The following SLC34A1 variants were observed in gnomAD, a reference collection of about 807,000 sequenced individuals.
The protein encoded by SLC34A1 is sodium-dependent phosphate transport protein 2A.
Under a neutral mutation model 51.4 loss-of-function variants are expected in SLC34A1, and 57 were observed. That is an observed-to-expected ratio of 1.11 (90% CI 0.90 to 1.38). The LOEUF is 1.38. Among genes scored for constraint, SLC34A1 ranks in the 40% most tolerant of loss-of-function variants. SLC34A1 has a pLI of 0.00. For synonymous variants in SLC34A1, 368 were observed against 358.0 expected (o/e 1.03, Z -0.32); for missense variants, 796 against 835.6 (o/e 0.95, Z 0.58).
At position 177,386,726 on chromosome 5, in the gene SLC34A1, G is replaced by A. The variant is rs187298646; in HGVS notation, c.532+160G>A. On this transcript the variant is annotated intron_variant, in intron 5 of 12. Coordinates refer to ENST00000324417, the MANE Select transcript of SLC34A1 (RefSeq NM_003052.5). The surrounding 1 kb of genome is among the most constrained non-coding windows in gnomAD (Gnocchi z 4.8). ...GAGGAGCCCAACTGTAGCTGTATGT[G>A]ACCCAGATGATTTATGGCAAGGAAC... Among the ~76,000 whole-genome samples the A allele has an allele frequency of 6.0e-4, 91 of 152,282 alleles. No homozygotes were observed. The highest frequency in any genetic ancestry group is 2.2e-3 in the African/African-American group (90 of 41,558).
chr5:177,390,616 C>T (rs896089347), intron 8 of SLC34A1: 3 of 153,986 alleles, frequency 1.9e-5, no homozygotes, highest in Non-Finnish European at 2.9e-5. Flanking sequence ...ACCATAGCCA[C>T]GTGGAGACGA....
chr5:177,386,042 G>T lies in SLC34A1; in HGVS notation c.165G>T (p.Val55=), dbSNP rs772451946. The change falls in exon 3 of 13, where the codon GTG becomes GTT. Residue 55 remains valine, a synonymous_variant. Coordinates refer to ENST00000324417, the MANE Select transcript of SLC34A1 (RefSeq NM_003052.5). The surrounding 1 kb of genome is among the most constrained non-coding windows in gnomAD (Gnocchi z 4.8). The stretch of plus-strand genomic sequence containing the variant: ...ATGCCTTCCCCAGCCTGGGCCCTGT[G>T]GCCCTTGCTGAGCACACCTGCCCCT... ...SAYAFPSLGP[V]ALAEHTCPCG... 1 of 1,609,440 alleles carries T rather than the reference G, an allele frequency of 6.2e-7. No homozygotes were observed. Among genetic ancestry groups the T allele is most frequent in the South Asian group, 1.1e-5 (1 of 90,714 alleles).
At chr5:177,391,071 C>T (rs577284646) in intron 8 of SLC34A1, among the ~76,000 whole-genome samples, 6 of 152,278 alleles carry the variant, frequency 3.9e-5, no homozygotes, top group African/African-American at 4.8e-5. Context: ...GCCCACCACC[C>T]GCTTCAGGCC....
chr5:177,386,377 A>AG lies in SLC34A1; in HGVS notation c.388+32dup. On this transcript the variant is annotated intron_variant, in intron 4 of 12. Coordinates refer to ENST00000324417, the MANE Select transcript of SLC34A1 (RefSeq NM_003052.5). This position sits in a 1 kb window ranked among gnomAD's most constrained non-coding sequence, Gnocchi z 4.8. ...AGGGCCCGGGTGGAGGAGACCTGGG[A>AG]GGGGTTCCTGAAGGGCCTTGGACAA... 1.2e-6 allele frequency: 2 copies of AG among 1,614,160 alleles called. No individual in the cohort carries two copies. Among genetic ancestry groups the AG allele is most frequent in the African/African-American group, 1.3e-5 (1 of 75,042 alleles).
chr5:177,389,880 C>T lies in SLC34A1; in HGVS notation c.936+1508C>T, dbSNP rs1016708902. On this transcript the variant is annotated intron_variant, in intron 8 of 12. Coordinates refer to ENST00000324417, the MANE Select transcript of SLC34A1 (RefSeq NM_003052.5). ...GCTGACACTTGTCCAGCTGGTTTCTCTTCCTCACTCTACCAGGAAATGCTT... is the reference window on the plus strand; with the variant it reads ...GCTGACACTTGTCCAGCTGGTTTCTTTTCCTCACTCTACCAGGAAATGCTT... 3 of 1,446,076 alleles carry T rather than the reference C, an allele frequency of 2.1e-6. No individual in the cohort carries two copies. In the African/African-American group the frequency reaches 4.3e-5, roughly 21 times the overall value. 89.6% of individuals were successfully genotyped at this position (1,446,076 alleles called of 1,614,324 possible). A position where few individuals can be genotyped will look rare whatever the true frequency, so the allele number is the denominator to read the frequency against.
chr5:177,386,315 G>A lies in SLC34A1; in HGVS notation c.354G>A (p.Leu118=). ...LTFLYLFVCS[L]DMLSSAFQLA... ...TCCTCTACCTCTTCGTCTGCTCCCT[G>A]GACATGCTCAGCTCGGCCTTCCAGC... Residue 118 remains leucine (L), a synonymous_variant, in exon 4 of 13, where the codon CTG becomes CTA. Coordinates refer to ENST00000324417, the MANE Select transcript of SLC34A1 (RefSeq NM_003052.5). This position sits in a 1 kb window ranked among gnomAD's most constrained non-coding sequence, Gnocchi z 4.8. 1 of 1,614,260 alleles carries A rather than the reference G, an allele frequency of 6.2e-7. No individual in the cohort carries two copies. The highest frequency in any genetic ancestry group is 8.5e-7 in the Non-Finnish European group (1 of 1,180,044).
chr5:177,393,971 G>C (rs1246290549), intron 9 of SLC34A1, 57 bp from the exon 10 acceptor site: 10 of 1,610,330 alleles, frequency 6.2e-6, no homozygotes, highest in Non-Finnish European at 8.5e-6. Flanking sequence ...GGGTGGCAAA[G>C]GTGGGGACCT....
chr5:177,388,201 G>A lies in SLC34A1; in HGVS notation c.840+12G>A, dbSNP rs750507516. ...AGCTCATCATCCAGGTGACAGCAGG[G>A]CCTGGCATGGGGTGAGGGTGGGGGT... On this transcript the variant is annotated intron_variant, in intron 7 of 12. Transcript: ENST00000324417. The surrounding 1 kb of genome is among the most constrained non-coding windows in gnomAD (Gnocchi z 4.3). 1.2e-6 allele frequency: 2 copies of A among 1,614,052 alleles called. No individual in the cohort carries two copies. Among genetic ancestry groups the A allele is most frequent in the South Asian group, 2.2e-5 (2 of 91,088 alleles).
intron 8 of SLC34A1, chr5:177,389,495 A>C (rs1762724934): frequency 2.0e-6 from 2 of 992,188 alleles, no homozygotes; most frequent in Non-Finnish European, 2.9e-6. Flanking sequence ...CTGAGTGTTC[A>C]AAGCAGCCTT....
Position 177,397,043 on chromosome 5 carries a change from G to A in SLC34A1, c.1385G>A (p.Ser462Asn), listed in dbSNP as rs748472359. The A allele has an allele frequency of 6.2e-7, 1 of 1,613,782 alleles. No homozygotes were observed. The highest frequency in any genetic ancestry group is 8.5e-7 in the Non-Finnish European group (1 of 1,180,028). Reference protein sequence around the residue: ...TTTAILAALASPREKLSSAFQ... With the variant: ...TTTAILAALANPREKLSSAFQ... ...ACGGCCATCCTGGCTGCCCTGGCCAGCCCCAGGGAGAAGCTGTCCAGCGCT... is the reference window on the plus strand; with the variant it reads ...ACGGCCATCCTGGCTGCCCTGGCCAACCCCAGGGAGAAGCTGTCCAGCGCT... The change falls in exon 12 of 13, where the codon AGC (serine) becomes AAC (asparagine). Residue 462 changes from serine (S) to asparagine (N), a missense_variant. Transcript: ENST00000324417.
intron 10 of SLC34A1, among the ~76,000 whole-genome samples, chr5:177,394,969 AG>A (rs2127353832): frequency 6.6e-6 from 1 of 152,154 alleles, no homozygotes; most frequent in African/African-American, 2.4e-5. Context: ...CTAGGATTAC[AG>A]GCATGAGCCA....
Position 177,389,758 on chromosome 5 carries a change from C to A in SLC34A1, c.936+1386C>A, listed in dbSNP as rs1001222634. On this transcript the variant is annotated intron_variant, in intron 8 of 12. Coordinates refer to ENST00000324417, the MANE Select transcript of SLC34A1 (RefSeq NM_003052.5). ...GCCGGCCACCTACTGCAGCTTCCGG[C>A]AGATCTCAACCAGCAGCCTCCACGT... 4.6e-6 allele frequency: 7 copies of A among 1,536,962 alleles called. No homozygotes were observed. In the African/African-American group the frequency reaches 9.6e-5, roughly 21 times the overall value.
chr5:177,386,326 G>A lies in SLC34A1; in HGVS notation c.365G>A (p.Ser122Asn). ...YLFVCSLDMLSSAFQLAGGKV... is the reference protein window; with the variant it reads ...YLFVCSLDMLNSAFQLAGGKV... ...TTCGTCTGCTCCCTGGACATGCTCA[G>A]CTCGGCCTTCCAGCTGGCTGGAGGT... The change falls in exon 4 of 13, where the codon AGC becomes AAC. Residue 122 changes from serine to asparagine, a missense_variant. Physicochemically the swap from Ser to Asn is conservative, Grantham distance 46 (BLOSUM62 1). Transcript: ENST00000324417. This position sits in a 1 kb window ranked among gnomAD's most constrained non-coding sequence, Gnocchi z 4.8. 1 of 1,614,258 alleles carries A rather than the reference G, an allele frequency of 6.2e-7. No homozygotes were observed. Among genetic ancestry groups the A allele is most frequent in the Non-Finnish European group, 8.5e-7 (1 of 1,180,044 alleles).
chr5:177,386,815 GCAGGCGGGAACTCT>G lies in SLC34A1; in HGVS notation c.532+254_532+267del, dbSNP rs1404623909. Among the ~76,000 whole-genome samples, 1 of 152,152 alleles carries G rather than the reference GCAGGCGGGAACTCT, an allele frequency of 6.6e-6. No individual in the cohort carries two copies. The highest frequency in any genetic ancestry group is 1.5e-5 in the Non-Finnish European group (1 of 68,028). Reference sequence around the variant, plus strand: ...ATCCGTAGGCCAGGGCATTGGAAGGGCAGGCGGGAACTCTCAGGTGGGCGCCGACACTGCAGTCC... The same window carrying G: ...ATCCGTAGGCCAGGGCATTGGAAGGGCAGGTGGGCGCCGACACTGCAGTCC... On this transcript the variant is annotated intron_variant, in intron 5 of 12. Transcript: ENST00000324417. This position sits in a 1 kb window ranked among gnomAD's most constrained non-coding sequence, Gnocchi z 4.8.
At position 177,386,839 on chromosome 5, in the gene SLC34A1, G is replaced by A. The variant is rs999619274; in HGVS notation, c.532+273G>A. ...GGCAGGCGGGAACTCTCAGGTGGGCGCCGACACTGCAGTCCAGACAGGGCA... is the reference window on the plus strand; with the variant it reads ...GGCAGGCGGGAACTCTCAGGTGGGCACCGACACTGCAGTCCAGACAGGGCA... On this transcript the variant is annotated intron_variant, in intron 5 of 12. Transcript: ENST00000324417. This position sits in a 1 kb window ranked among gnomAD's most constrained non-coding sequence, Gnocchi z 4.8. 6.7e-6 allele frequency among the ~76,000 whole-genome samples: 1 copy of A among 148,810 alleles called. No individual in the cohort carries two copies. Among genetic ancestry groups the A allele is most frequent in the African/African-American group, 2.5e-5 (1 of 40,252 alleles).
At chr5:177,391,267 C>T (rs776051347) in intron 8 of SLC34A1, among the ~76,000 whole-genome samples, 1 of 152,226 alleles carries the variant, frequency 6.6e-6, no homozygotes, top group South Asian at 2.1e-4. Context: ...TGGCTTTGTC[C>T]CTCCTGCCAG....
In SLC34A1 at chr5:177,388,147, G is replaced by C. The variant is rs146046074; in HGVS notation, c.798G>C (p.Leu266=). ...NIHGGRDAPD[L]LKIITEPFTK... ...ATGGTGGCCGTGATGCTCCTGACCTGCTCAAGATCATCACAGAGCCCTTCA... is the reference window on the plus strand; with the variant it reads ...ATGGTGGCCGTGATGCTCCTGACCTCCTCAAGATCATCACAGAGCCCTTCA... Residue 266 remains leucine (L), a synonymous_variant, in exon 7 of 13, where the codon CTG becomes CTC. Transcript: ENST00000324417. This position sits in a 1 kb window ranked among gnomAD's most constrained non-coding sequence, Gnocchi z 4.3. 6.2e-7 allele frequency: 1 copy of C among 1,614,118 alleles called. No homozygotes were observed. Among genetic ancestry groups the C allele is most frequent in the African/African-American group, 1.3e-5 (1 of 75,038 alleles).
In SLC34A1 at chr5:177,386,212, C is replaced by A. The variant is rs1453660037; in HGVS notation, c.260-9C>A. 2.5e-6 allele frequency: 4 copies of A among 1,614,046 alleles called. No individual in the cohort carries two copies. The East Asian group carries it at 8.9e-5, about 36-fold the overall frequency. On this transcript the variant is annotated splice_polypyrimidine_tract_variant and intron_variant, in intron 3 of 12. Transcript: ENST00000324417. This position sits in a 1 kb window ranked among gnomAD's most constrained non-coding sequence, Gnocchi z 4.8. ...TCTGCCCACTATGCTCATGGCTTCC[C>A]CCATCCAGAGTCCAGGCTGGTCCCC...
chr5:177,397,930 T>C lies in SLC34A1; in HGVS notation c.1564T>C (p.Cys522Arg). 1 of 1,614,074 alleles carries C rather than the reference T, an allele frequency of 6.2e-7. No homozygotes were observed. The highest frequency in any genetic ancestry group is 8.5e-7 in the Non-Finnish European group (1 of 1,180,020). The change falls in exon 13 of 13, where the codon TGC becomes CGC. Residue 522 changes from cysteine to arginine, a missense_variant. Coordinates refer to ENST00000324417, the MANE Select transcript of SLC34A1 (RefSeq NM_003052.5). Reference protein sequence around the residue: ...RWFAVLYLLVCFLLLPSLVFG... With the variant: ...RWFAVLYLLVRFLLLPSLVFG... ...GTTTGCCGTCCTCTATCTCCTTGTCTGCTTCCTGCTGCTGCCCTCACTGGT... is the reference window on the plus strand; with the variant it reads ...GTTTGCCGTCCTCTATCTCCTTGTCCGCTTCCTGCTGCTGCCCTCACTGGT...
Sources: gnomAD v4.1 joint callset for allele counts (sites outside exome capture counted in the v4.1 genomes callset) on GRCh38, gnomAD v4.1.1 for gene constraint, Gnocchi (gnomAD v3.1) non-coding constraint, MANE v1.5 for transcripts, NCBI Gene and HGNC (gene_info 2026-07-23, HGNC 2026-07-21) for gene names.